CCT3: variants seen among roughly 807,000 people sequenced by gnomAD.
CCT3 encodes the protein T-complex protein 1 subunit gamma.
CCT3 carries 10 observed loss-of-function variants against 65.3 expected under a neutral mutation model. The observed-to-expected ratio is 0.15, with a 90% CI of 0.09 to 0.26. The LOEUF (loss-of-function observed/expected upper bound fraction) is 0.26, where lower values mean the gene tolerates loss of function less well. Among genes scored for constraint, CCT3 ranks in the 10% least tolerant of loss-of-function variants. The pLI is 1.00. For missense variants in CCT3, 626 were observed against 708.7 expected, an observed-to-expected ratio of 0.88 and a Z score of 1.33; for synonymous variants, 225 against 242.3, an observed-to-expected ratio of 0.93 and a Z score of 0.66.
At chr1:156,334,529 G>A (rs146498991) in intron 4 of CCT3, among the ~76,000 whole-genome samples, 184 bp downstream of exon 4, 3 of 152,252 alleles carry the variant, frequency 2.0e-5, no homozygotes, top group African/African-American at 7.2e-5. Flanking sequence ...CCCTACTGAC[G>A]CCTTTATTTC....
rs780263951 is a variant in CCT3, at chr1:156,311,066, T to C, written c.1285A>G (p.Met429Val). 7 of 1,613,948 alleles carry C rather than the reference T, an allele frequency of 4.3e-6. No homozygotes were observed. The highest frequency in any genetic ancestry group is 2.2e-5 in the South Asian group (2 of 91,056). ...TATGGCCATTGTTCCACACCAGTCA[T>C]GGCCTTGGATTTTTCTGTCAAGGCA... The part of the protein sequence containing the change: ...AHALTEKSKA[M>V]TGVEQWPYRA... The change falls in exon 12 of 14, where the codon ATG becomes GTG. Residue 429 changes from methionine (M) to valine (V), a missense_variant. By Grantham distance (21) the Met-to-Val change is conservative. Coordinates refer to ENST00000295688, the MANE Select transcript of CCT3 (RefSeq NM_005998.5).
intron 5 of CCT3, among the ~76,000 whole-genome samples, chr1:156,328,798 T>C (rs926843575): frequency 6.6e-6 from 1 of 151,944 alleles, no homozygotes; most frequent in African/African-American, 2.4e-5. Context: ...CCCTCCACTA[T>C]TGTCCTATGA....
intron 8 of CCT3, 45 bp from the exon 9 acceptor site, chr1:156,317,592 G>C (rs1312978648): frequency 1.9e-6 from 3 of 1,579,746 alleles, no homozygotes; most frequent in Admixed American, 3.4e-5. Flanking sequence ...CCCTGGACTG[G>C]TGAAGCTCTA....
chr1:156,317,695 A>G (rs1664365546), intron 8 of CCT3, 148 bp from the exon 9 acceptor site: 3 of 667,616 alleles, frequency 4.5e-6, no homozygotes, highest in South Asian at 5.0e-5. Flanking sequence ...CTGTAAGCCA[A>G]TTTAGCTTTA....
chr1:156,330,907 GATAAATAA>G, intron 5 of CCT3, among the ~76,000 whole-genome samples: 1 of 151,404 alleles, frequency 6.6e-6, no homozygotes, highest in East Asian at 2.0e-4. Context: ...CTGTCTCAAA[GATAAATAA>G]ATAAATAAAT....
Position 156,312,195 on chromosome 1 carries a change from C to A in CCT3, c.1001G>T (p.Arg334Leu). 4.3e-6 allele frequency: 7 copies of A among 1,613,976 alleles called. No individual in the cohort carries two copies. Among genetic ancestry groups the A allele is most frequent in the Non-Finnish European group, 5.9e-6 (7 of 1,179,954 alleles). ...ARACGARIVS[R>L]PEELREDDVG... is the part of the protein sequence containing the mutation. The stretch of plus-strand genomic sequence containing the variant: ...ATCATCTTCTCTCAGTTCCTCTGGT[C>A]GGCTGACTATCCGGGCCCCACAGGC... Residue 334 changes from arginine to leucine, a missense_variant, in exon 11 of 14, where the codon CGA becomes CTA. Coordinates refer to ENST00000295688, the MANE Select transcript of CCT3 (RefSeq NM_005998.5).
chr1:156,326,061 G>A (rs1047531300), intron 5 of CCT3, among the ~76,000 whole-genome samples: 2 of 152,116 alleles, frequency 1.3e-5, no homozygotes, highest in Non-Finnish European at 2.9e-5. Context: ...GGCTGGATGC[G>A]GTAGCTCACA....
At chr1:156,312,282 A>C in intron 10 of CCT3, 61 bp from the exon 11 acceptor site, 1 of 1,524,728 alleles carries the variant, frequency 6.6e-7, no homozygotes, top group South Asian at 1.2e-5. Flanking sequence ...CCATTTCCCT[A>C]GTCTCTAGGG....
chr1:156,335,930 C>G lies in CCT3; in HGVS notation c.32-42G>C, dbSNP rs374539113. On this transcript the variant is annotated intron_variant, in intron 1 of 13. Coordinates refer to ENST00000295688, the MANE Select transcript of CCT3 (RefSeq NM_005998.5). ...CACAAGTCAACAGCCCAGGACTGCCCCATCGTACACAAGCTATTTATTTCC... is the reference window on the plus strand; with the variant it reads ...CACAAGTCAACAGCCCAGGACTGCCGCATCGTACACAAGCTATTTATTTCC... 20 of 1,468,096 alleles carry G rather than the reference C, an allele frequency of 1.4e-5. No homozygotes were observed. The African/African-American group carries it at 2.4e-4, about 17-fold the overall frequency. 90.9% of individuals were successfully genotyped at this position (1,468,096 alleles called of 1,614,324 possible).
chr1:156,316,924 A>G (rs1165223752), intron 10 of CCT3, among the ~76,000 whole-genome samples: 7 of 152,220 alleles, frequency 4.6e-5, no homozygotes, highest in Non-Finnish European at 1.5e-5. Context: ...CCACCAAGGT[A>G]GCAATTACAA....
chr1:156,312,069 A>G lies in CCT3; in HGVS notation c.1127T>C (p.Leu376Pro). Residue 376 changes from leucine (L) to proline (P), a missense_variant, in exon 11 of 14, where the codon CTC becomes CCC. By Grantham distance (98) the Leu-to-Pro change is moderately conservative. Transcript: ENST00000295688. ...CKDPKACTIL[L>P]RGASKEILSE... ...GAGAATCTCTTTGCTAGCCCCCCGG[A>G]GGAGAATGGTGCAGGCCTTGGGGTC... The G allele has an allele frequency of 1.2e-6, 2 of 1,610,658 alleles. No homozygotes were observed. The highest frequency in any genetic ancestry group is 1.7e-6 in the Non-Finnish European group (2 of 1,178,522).
At chr1:156,315,095 A>C (rs1018370148) in intron 10 of CCT3, among the ~76,000 whole-genome samples, 7 of 152,152 alleles carry the variant, frequency 4.6e-5, no homozygotes, top group African/African-American at 1.7e-4. Flanking sequence ...CTGACACCCA[A>C]GACAGAAAGA....
chr1:156,334,797 TATTTAA>T, intron 3 of CCT3, 22 bp from the exon 4 acceptor site: 1 of 1,613,986 alleles, frequency 6.2e-7, no homozygotes, highest in Non-Finnish European at 8.5e-7. Flanking sequence ...GCAAAAGTTA[TATTTAA>T]AGTGTCCTAG....
At chr1:156,316,190 TTA>T (rs758492835) in intron 10 of CCT3, among the ~76,000 whole-genome samples, 8 of 152,320 alleles carry the variant, frequency 5.3e-5, no homozygotes, top group Non-Finnish European at 1.0e-4. Flanking sequence ...TAGCAACTAT[TTA>T]TATAGCATTT....
chr1:156,323,255 G>A (rs376511696), intron 6 of CCT3, among the ~76,000 whole-genome samples: 87 of 114,202 alleles, frequency 7.6e-4, no homozygotes, highest in Admixed American at 1.9e-3. Flanking sequence ...GCAGTGAGCC[G>A]AGATCGCGCC....
intron 5 of CCT3, among the ~76,000 whole-genome samples, chr1:156,328,083 C>T (rs1570931243): frequency 3.0e-5 from 2 of 65,634 alleles, no homozygotes; most frequent in East Asian, 6.0e-4. Flanking sequence ...GGGGGGTCAG[C>T]CCCCCGCCCA....
chr1:156,328,183 C>T (rs1269223939), intron 5 of CCT3, among the ~76,000 whole-genome samples: 2 of 121,662 alleles, frequency 1.6e-5, no homozygotes, highest in South Asian at 2.7e-4. Flanking sequence ...CCAGCCGCCC[C>T]GTCCGGGAGG....
rs757765515 is a variant in CCT3, at chr1:156,312,156, G to A, written c.1040C>T (p.Ala347Val). Reference protein sequence around the residue: ...ELREDDVGTGAGLLEIKKIGD... With the variant: ...ELREDDVGTGVGLLEIKKIGD... ...AATTTTCTTGATTTCCAACAGGCCT[G>A]CTCCTGTTCCAACATCATCTTCTCT... Residue 347 changes from alanine (A) to valine (V), a missense_variant, in exon 11 of 14, where the codon GCA (alanine) becomes GTA (valine). By Grantham distance (64) the Ala-to-Val change is moderately conservative. Transcript: ENST00000295688. 1.2e-6 allele frequency: 2 copies of A among 1,614,052 alleles called. No homozygotes were observed. Among genetic ancestry groups the A allele is most frequent in the South Asian group, 1.1e-5 (1 of 91,080 alleles).
chr1:156,331,644 ATGCACTGCAGCCT>A (rs1359778144), intron 5 of CCT3, among the ~76,000 whole-genome samples: 1 of 151,234 alleles, frequency 6.6e-6, no homozygotes, highest in Non-Finnish European at 1.5e-5. Flanking sequence ...GATTGCGCCA[ATGCACTGCAGCCT>A]GGGCGACAGA....
Sources: allele counts gnomAD v4.1 joint callset (sites outside exome capture counted in the v4.1 genomes callset), GRCh38; gene constraint gnomAD v4.1.1; transcripts MANE v1.5; gene names NCBI Gene and HGNC (gene_info 2026-07-23, HGNC 2026-07-21).